Variants in PDE12 observed in about 807,000 individuals in gnomAD.
PDE12 encodes phosphodiesterase 12, also known as 2',5'-phosphodiesterase 12.
PDE12 carries 26 observed loss-of-function variants against 45.4 expected under a neutral mutation model. The ratio of observed to expected loss-of-function variants is 0.57; its 90% CI spans 0.42 to 0.79. The LOEUF is 0.79. Ranked by LOEUF, PDE12 falls within the 30% of genes least tolerant of loss-of-function variation. PDE12 has a pLI of 0.00. For synonymous variants in PDE12, 283 were observed against 323.9 expected (o/e 0.87, Z 1.36); for missense variants, 668 against 790.0 (o/e 0.85, Z 1.85).
chr3:57,582,727 G>C, the PDE12 span, among the ~76,000 whole-genome samples: 2 of 148,296 alleles, frequency 1.3e-5, no homozygotes. Context: ...AATATAAAGT[G>C]GCAGTGATAT....
In PDE12 at chr3:57,556,655, C is replaced by T. The variant is rs752426103; in HGVS notation, c.276C>T (p.Ala92=). ...ALKGHAKAAA[A]KKSRKSRPNA... is the part of the protein sequence containing the mutation. ...AGGGTCACGCTAAGGCGGCCGCCGCCAAGAAGAGCAGGAAGAGCCGGCCGA... is the reference window on the plus strand; with the variant it reads ...AGGGTCACGCTAAGGCGGCCGCCGCTAAGAAGAGCAGGAAGAGCCGGCCGA... Residue 92 remains alanine (A), a synonymous_variant, in exon 1 of 3, where the codon GCC becomes GCT. Transcript: ENST00000311180. The surrounding 1 kb of genome is among the most constrained non-coding windows in gnomAD (Gnocchi z 5.0). 1 of 1,600,382 alleles carries T rather than the reference C, an allele frequency of 6.2e-7. No homozygotes were observed. Among genetic ancestry groups the T allele is most frequent in the Admixed American group, 1.7e-5 (1 of 59,502 alleles).
At chr3:57,629,119 T>A in the PDE12 span, among the ~76,000 whole-genome samples, 1 of 152,224 alleles carries the variant, frequency 6.6e-6, no homozygotes. Flanking sequence ...AAACAAAATG[T>A]ACTGAGGTGG....
chr3:57,613,620 C>T, the PDE12 span, among the ~76,000 whole-genome samples: 4 of 151,388 alleles, frequency 2.6e-5, no homozygotes, highest in African/African-American at 9.7e-5. Flanking sequence ...AAGACATAGG[C>T]TGGGCACCTG....
chr3:57,573,068 G>C, the PDE12 span, among the ~76,000 whole-genome samples: 9 of 151,922 alleles, frequency 5.9e-5, no homozygotes, highest in South Asian at 2.1e-4. Flanking sequence ...CGGGCGTGGT[G>C]GTGGGCGCCT....
the PDE12 span, among the ~76,000 whole-genome samples, chr3:57,613,952 G>T: frequency 1.4e-5 from 2 of 147,954 alleles, no homozygotes; most frequent in African/African-American, 5.0e-5. Context: ...TAGGTTAAGA[G>T]TGTAAGTATG....
At chr3:57,625,051 G>A in the PDE12 span, among the ~76,000 whole-genome samples, 13 of 152,056 alleles carry the variant, frequency 8.5e-5, no homozygotes, top group Non-Finnish European at 1.6e-4. Context: ...CTGCAGGCAT[G>A]TGCCACCATG....
intron 1 of PDE12, among the ~76,000 whole-genome samples, chr3:57,558,482 A>G (rs899861145): frequency 2.2e-5 from 3 of 135,962 alleles, no homozygotes. Context: ...AGCTTTATAT[A>G]TTGGACTATT....
At chr3:57,621,730 T>G in the PDE12 span, among the ~76,000 whole-genome samples, 1 of 151,224 alleles carries the variant, frequency 6.6e-6, no homozygotes, top group African/African-American at 2.4e-5. Context: ...AACACAACAC[T>G]TAAAAGAACA....
chr3:57,611,680 A>G, the PDE12 span, among the ~76,000 whole-genome samples: 2 of 152,336 alleles, frequency 1.3e-5, no homozygotes, highest in South Asian at 4.1e-4. Flanking sequence ...CAAAACCACA[A>G]TGAGATACCA....
the PDE12 span, among the ~76,000 whole-genome samples, chr3:57,579,185 C>T: frequency 8.5e-6 from 1 of 118,166 alleles, no homozygotes; most frequent in East Asian, 3.0e-4. Context: ...ACTTGGCAGG[C>T]GGAGGCTGCA....
chr3:57,588,740 T>G, the PDE12 span, among the ~76,000 whole-genome samples: 1 of 139,098 alleles, frequency 7.2e-6, no homozygotes, highest in Non-Finnish European at 1.5e-5. Flanking sequence ...GTGGATGACC[T>G]GAGCTCAGGA....
chr3:57,573,701 C>T, the PDE12 span, among the ~76,000 whole-genome samples: 1 of 151,878 alleles, frequency 6.6e-6, no homozygotes, highest in Admixed American at 6.6e-5. Flanking sequence ...GTGCCTTCAG[C>T]CTCCCAAGTA....
chr3:57,582,273 C>T, the PDE12 span, among the ~76,000 whole-genome samples: 3 of 151,334 alleles, frequency 2.0e-5, no homozygotes, highest in Non-Finnish European at 4.4e-5. Context: ...GACAGAGTCT[C>T]GCTTTGTCAC....
At chr3:57,628,936 C>A in the PDE12 span, 2 of 1,523,926 alleles carry the variant, frequency 1.3e-6, no homozygotes. Context: ...AATATTCAAA[C>A]CTCTCTATTT....
the PDE12 span, among the ~76,000 whole-genome samples, chr3:57,642,836 T>C: frequency 6.6e-6 from 1 of 151,936 alleles, no homozygotes; most frequent in South Asian, 2.1e-4. Context: ...TGAAACCCCA[T>C]CTCTACTAAA....
In PDE12 at chr3:57,557,212, C is replaced by A. The variant is rs751885434; in HGVS notation, c.833C>A (p.Thr278Asn). 23 of 1,604,128 alleles carry A rather than the reference C, an allele frequency of 1.4e-5. No homozygotes were observed. The highest frequency in any genetic ancestry group is 1.9e-5 in the Non-Finnish European group (22 of 1,175,968). Residue 278 changes from threonine (T) to asparagine (N), a missense_variant, in exon 1 of 3, where the codon ACT becomes AAT. Thr to Asn is a moderately conservative substitution (Grantham distance 65, BLOSUM62 0). Around this residue, in one of 3 missense-constraint regions of PDE12, gnomAD observed 580 missense variants for 662.9 expected, o/e 0.87. Coordinates refer to ENST00000311180, the MANE Select transcript of PDE12 (RefSeq NM_177966.7). Reference protein sequence around the residue: ...CVVEAGPGTCTFDHRHLYTKK... With the variant: ...CVVEAGPGTCNFDHRHLYTKK... ...GTAGAGGCTGGGCCTGGCACCTGCA[C>A]TTTTGACCACCGGCATCTCTACACG... is the stretch of plus-strand genomic sequence containing the variant.
At position 57,560,770 on chromosome 3, in the gene PDE12, G is replaced by A; in HGVS notation, c.*766G>A. The A allele has an allele frequency of 1.0e-6, 1 of 985,580 alleles. No individual in the cohort carries two copies. The highest frequency in any genetic ancestry group is 1.2e-6 in the Non-Finnish European group (1 of 829,708). The allele number at this position is 985,580 out of a possible 1,614,324, so 61.1% of individuals were successfully genotyped here. ...GTACTAAGAGGGAAAATGTATTTAA[G>A]TTAAGGGTGAGAGACTTAAGTTATA... On this transcript the variant is annotated 3_prime_UTR_variant, in exon 3 of 3. Transcript: ENST00000311180.
At chr3:57,653,744 TAAAAAAAAAA>T in the PDE12 span, among the ~76,000 whole-genome samples, 4 of 84,724 alleles carry the variant, frequency 4.7e-5, no homozygotes, top group East Asian at 1.1e-3. Flanking sequence ...AGACTCCATC[TAAAAAAAAAA>T]AAAAAAAAAG....
At chr3:57,614,941 C>G in the PDE12 span, among the ~76,000 whole-genome samples, 1 of 150,316 alleles carries the variant, frequency 6.7e-6, no homozygotes, top group African/African-American at 2.4e-5. Context: ...TGGAGTGAGC[C>G]GAGATCGTGC....
Sources: allele counts gnomAD v4.1 joint callset (sites outside exome capture counted in the v4.1 genomes callset), GRCh38; gene constraint gnomAD v4.1.1; regional missense constraint gnomAD v4.1.1; non-coding constraint Gnocchi (gnomAD v3.1); transcripts MANE v1.5; gene names NCBI Gene and HGNC (gene_info 2026-07-23, HGNC 2026-07-21).